Variants in NAALADL2 observed in about 807,000 individuals in gnomAD.
The protein encoded by NAALADL2 is inactive N-acetylated-alpha-linked acidic dipeptidase-like protein 2.
NAALADL2 carries 76 observed loss-of-function variants against 87.2 expected under a neutral mutation model. That is an observed-to-expected ratio of 0.87 (90% CI 0.72 to 1.05). The LOEUF is 1.05. Among genes scored for constraint, NAALADL2 ranks in the 50% least tolerant of loss-of-function variants. The pLI is 0.00. For missense variants in NAALADL2, 1,089 were observed against 945.8 expected, an observed-to-expected ratio of 1.15 and a Z score of -1.99; for synonymous variants, 354 against 331.0, an observed-to-expected ratio of 1.07 and a Z score of -0.75.
chr3:175,720,662 GTGA>G (rs1742114050), intron 11 of NAALADL2, among the ~76,000 whole-genome samples: 1 of 151,970 alleles, frequency 6.6e-6, no homozygotes, highest in African/African-American at 2.4e-5. Flanking sequence ...AAAAAAAATT[GTGA>G]TGAAGTGGCT....
intron 11 of NAALADL2, among the ~76,000 whole-genome samples, chr3:175,710,842 T>C (rs1740438733): frequency 6.6e-6 from 1 of 152,018 alleles, no homozygotes; most frequent in East Asian, 1.9e-4. Context: ...CTCTGTATAG[T>C]ACTCTCTCTA....
chr3:174,871,923 T>C (rs1344753117), intron 1 of NAALADL2, among the ~76,000 whole-genome samples: 5 of 151,918 alleles, frequency 3.3e-5, no homozygotes, highest in African/African-American at 1.2e-4. Context: ...AATAAATAAA[T>C]ACCTTGTTTT....
intron 11 of NAALADL2, among the ~76,000 whole-genome samples, chr3:175,665,382 C>T (rs1171934623): frequency 1.3e-5 from 2 of 152,062 alleles, no homozygotes; most frequent in East Asian, 3.9e-4. Context: ...AATTTCCAAA[C>T]CAAAAAACGT....
At chr3:175,660,927 T>C (rs747343461) in intron 11 of NAALADL2, among the ~76,000 whole-genome samples, 1 of 152,126 alleles carries the variant, frequency 6.6e-6, no homozygotes. Context: ...ATTCTATATC[T>C]TGCCTATTGT....
chr3:175,680,939 C>G (rs551496792), intron 11 of NAALADL2, among the ~76,000 whole-genome samples: 1 of 152,032 alleles, frequency 6.6e-6, no homozygotes, highest in East Asian at 1.9e-4. Flanking sequence ...ATGGTGAAAC[C>G]CCGTCTCTAC....
intron 10 of NAALADL2, among the ~76,000 whole-genome samples, chr3:175,586,834 A>C (rs1720607264): frequency 6.6e-6 from 1 of 152,226 alleles, no homozygotes; most frequent in South Asian, 2.1e-4. Flanking sequence ...TTTTGGGTAA[A>C]TGCTGCTGGG....
chr3:175,227,515 T>C (rs1744324813), intron 2 of NAALADL2, among the ~76,000 whole-genome samples: 1 of 152,104 alleles, frequency 6.6e-6, no homozygotes, highest in South Asian at 2.1e-4. Flanking sequence ...CCTTCAATTT[T>C]TGCAAATTTC....
chr3:175,217,377 A>G (rs1742715214), intron 2 of NAALADL2, among the ~76,000 whole-genome samples: 1 of 151,960 alleles, frequency 6.6e-6, no homozygotes, highest in South Asian at 2.1e-4. Flanking sequence ...AAAAGAAGCA[A>G]CTCCGCTTTG....
At chr3:175,345,757 A>G (rs898124505) in intron 5 of NAALADL2, among the ~76,000 whole-genome samples, 5 of 152,128 alleles carry the variant, frequency 3.3e-5, no homozygotes, top group Non-Finnish European at 5.9e-5. Context: ...GGAGCCCGCA[A>G]TTCCATAGTG....
intron 2 of NAALADL2, among the ~76,000 whole-genome samples, chr3:175,212,478 A>G (rs1169434306): frequency 6.6e-6 from 1 of 152,156 alleles, no homozygotes; most frequent in African/African-American, 2.4e-5. Context: ...ATGGTAAAAC[A>G]GTACATCTTT....
intron 5 of NAALADL2, among the ~76,000 whole-genome samples, chr3:175,404,585 T>C (rs888388718): frequency 6.6e-6 from 1 of 152,286 alleles, no homozygotes; most frequent in Non-Finnish European, 1.5e-5. Flanking sequence ...TAACTGTACA[T>C]GTAACACAAT....
chr3:175,328,917 T>C (rs1204124291), intron 5 of NAALADL2, among the ~76,000 whole-genome samples: 1 of 152,208 alleles, frequency 6.6e-6, no homozygotes, highest in African/African-American at 2.4e-5. Context: ...TGTTGAAACA[T>C]GGAAAAGAAA....
chr3:175,188,444 T>C (rs1482648634), intron 2 of NAALADL2, among the ~76,000 whole-genome samples: 3 of 152,050 alleles, frequency 2.0e-5, no homozygotes, highest in Non-Finnish European at 2.9e-5. Context: ...GTGCCTGAGT[T>C]GATGTGATGC....
intron 2 of NAALADL2, among the ~76,000 whole-genome samples, chr3:175,192,411 A>G (rs916421801): frequency 6.6e-5 from 10 of 152,034 alleles, no homozygotes; most frequent in African/African-American, 1.7e-4. Flanking sequence ...TCACTCATAA[A>G]TCCGTTTGTC....
chr3:175,573,203 G>T (rs944118389), intron 9 of NAALADL2, among the ~76,000 whole-genome samples: 2 of 152,188 alleles, frequency 1.3e-5, no homozygotes. Context: ...ATGGGTGGAT[G>T]TTAAGAGTTA....
At chr3:175,054,538 G>A (rs1261591071) in intron 1 of NAALADL2, among the ~76,000 whole-genome samples, 1 of 152,074 alleles carries the variant, frequency 6.6e-6, no homozygotes, top group East Asian at 1.9e-4. Context: ...GGAAAATGTT[G>A]GAGCTATGTG....
intron 1 of NAALADL2, among the ~76,000 whole-genome samples, chr3:175,086,200 T>C (rs1718863908): frequency 6.6e-6 from 1 of 152,192 alleles, no homozygotes; most frequent in African/African-American, 2.4e-5. Flanking sequence ...TAAGAAAACA[T>C]CCACTGGTTC....
chr3:175,393,889 TG>T (rs1461679222), intron 5 of NAALADL2, among the ~76,000 whole-genome samples: 1 of 152,202 alleles, frequency 6.6e-6, no homozygotes, highest in African/African-American at 2.4e-5. Flanking sequence ...TCCCCCTTTT[TG>T]GAGATGAATT....
At chr3:175,530,114 G>A (rs141084240) in intron 9 of NAALADL2, among the ~76,000 whole-genome samples, 1 of 152,242 alleles carries the variant, frequency 6.6e-6, no homozygotes, top group Non-Finnish European at 1.5e-5. Context: ...TGGCCACTTT[G>A]TTCATGGGCC....
Sources: gnomAD v4.1 joint callset for allele counts (sites outside exome capture counted in the v4.1 genomes callset) on GRCh38, gnomAD v4.1.1 for gene constraint, MANE v1.5 for transcripts, NCBI Gene and HGNC (gene_info 2026-07-23, HGNC 2026-07-21) for gene names.